GALNTL5: variants seen among roughly 807,000 people sequenced by gnomAD.
The protein encoded by GALNTL5 is inactive polypeptide N-acetylgalactosaminyltransferase-like protein 5.
In GALNTL5, 44 loss-of-function variants were observed where a neutral mutation model predicts 51.0. The ratio of observed to expected loss-of-function variants is 0.86; its 90% CI spans 0.68 to 1.11. GALNTL5 has a LOEUF of 1.11. GALNTL5 is among the 50% of genes least tolerant of loss of function. GALNTL5 has a pLI of 0.00. For missense variants in GALNTL5, 528 were observed against 531.8 expected (o/e 0.99, Z 0.07); for synonymous variants, 192 against 182.8 (o/e 1.05, Z -0.41).
chr7:152,002,697 T>C lies in GALNTL5; in HGVS notation c.659-17T>C. ...TCAGCTATGTGGACTAACATTGCCC[T>C]GTTCTTGCCTCCCCAGGGGATGTTC... On this transcript the variant is annotated splice_polypyrimidine_tract_variant and intron_variant, in intron 5 of 8. Coordinates refer to ENST00000392800, the MANE Select transcript of GALNTL5 (RefSeq NM_145292.4). 1 of 1,613,214 alleles carries C rather than the reference T, an allele frequency of 6.2e-7. No homozygotes were observed. Among genetic ancestry groups the C allele is most frequent in the Non-Finnish European group, 8.5e-7 (1 of 1,179,470 alleles).
intron 5 of GALNTL5, among the ~76,000 whole-genome samples, chr7:151,999,457 C>A (rs2151955085): frequency 6.6e-6 from 1 of 152,306 alleles, no homozygotes; most frequent in African/African-American, 2.4e-5. Flanking sequence ...GTGGCTGCAC[C>A]ATTTACACTC....
At chr7:151,983,206 T>C in intron 4 of GALNTL5, 54 bp downstream of exon 4, 1 of 1,484,202 alleles carries the variant, frequency 6.7e-7, no homozygotes, top group East Asian at 2.3e-5. Context: ...TTGTTGAGAT[T>C]TCCCTCTGTC....
chr7:151,972,977 A>G (rs960635828), intron 3 of GALNTL5, among the ~76,000 whole-genome samples: 1 of 152,126 alleles, frequency 6.6e-6, no homozygotes, highest in Non-Finnish European at 1.5e-5. Flanking sequence ...TGGTAGATCC[A>G]CCAACAGCTT....
chr7:151,989,809 A>C (rs113979073), intron 5 of GALNTL5, among the ~76,000 whole-genome samples: 5 of 152,162 alleles, frequency 3.3e-5, no homozygotes, highest in Non-Finnish European at 7.4e-5. Flanking sequence ...TCTTGGTATT[A>C]CCAGCCATCA....
intron 2 of GALNTL5, 84 bp downstream of exon 2, chr7:151,967,577 T>C: frequency 8.3e-7 from 1 of 1,199,852 alleles, no homozygotes; most frequent in Non-Finnish European, 1.2e-6. Flanking sequence ...TACGAGACTA[T>C]CCTTTTTAAA....
intron 2 of GALNTL5, 145 bp downstream of exon 2, chr7:151,967,638 A>G: frequency 1.9e-6 from 1 of 525,790 alleles, no homozygotes; most frequent in Non-Finnish European, 3.2e-6. Flanking sequence ...ATATATCTAT[A>G]CATAGAAAAT....
chr7:151,981,579 TTCCTTCCTTCCC>T (rs746764370), intron 3 of GALNTL5, among the ~76,000 whole-genome samples: 13,861 of 38,622 alleles, frequency 0.36, 875 homozygotes, highest in East Asian at 0.46. Flanking sequence ...CCTTCCTTCC[TTCCTTCCTTCCC>T]TCCTTCCTTC....
intron 1 of GALNTL5, among the ~76,000 whole-genome samples, chr7:151,966,675 A>G (rs2081064716): frequency 6.6e-6 from 1 of 152,216 alleles, no homozygotes; most frequent in Non-Finnish European, 1.5e-5. Flanking sequence ...TCTCTTTAGG[A>G]TATATCCCTA....
At chr7:151,980,960 T>C (rs1037852094) in intron 3 of GALNTL5, among the ~76,000 whole-genome samples, 9 of 151,840 alleles carry the variant, frequency 5.9e-5, no homozygotes, top group African/African-American at 2.2e-4. Flanking sequence ...TTAGCCAGGA[T>C]GGTCTCGATC....
intron 3 of GALNTL5, among the ~76,000 whole-genome samples, chr7:151,980,899 CTG>C (rs1563009384): frequency 4.0e-5 from 6 of 150,228 alleles, no homozygotes; most frequent in African/African-American, 1.5e-4. Context: ...GCACCCGCCA[CTG>C]CGCCCGGCTA....
intron 1 of GALNTL5, among the ~76,000 whole-genome samples, chr7:151,958,260 G>A (rs1271590269): frequency 1.3e-5 from 2 of 152,156 alleles, no homozygotes; most frequent in South Asian, 2.1e-4. Flanking sequence ...TGGCACTACC[G>A]ACCTAGATTC....
intron 5 of GALNTL5, 33 bp from the exon 6 acceptor site, chr7:152,002,681 T>G (rs1563021508): frequency 1.2e-6 from 2 of 1,602,794 alleles, no homozygotes; most frequent in Non-Finnish European, 1.7e-6. Flanking sequence ...TTCAGCTATG[T>G]GGACTAACAT....
At chr7:151,957,507 C>T (rs1181222624) in intron 1 of GALNTL5, among the ~76,000 whole-genome samples, 1 of 150,120 alleles carries the variant, frequency 6.7e-6, no homozygotes, top group Non-Finnish European at 1.5e-5. Flanking sequence ...TGTAATTGGG[C>T]CACTGCACCC....
chr7:151,983,318 C>T (rs1417652175), intron 4 of GALNTL5, among the ~76,000 whole-genome samples, 166 bp downstream of exon 4: 1 of 152,148 alleles, frequency 6.6e-6, no homozygotes, highest in African/African-American at 2.4e-5. Flanking sequence ...GCTGGGATTA[C>T]AGGTGCATGC....
intron 1 of GALNTL5, among the ~76,000 whole-genome samples, chr7:151,966,238 G>T (rs193058864): frequency 5.3e-5 from 8 of 151,422 alleles, no homozygotes; most frequent in Admixed American, 5.3e-4. Context: ...AACTTCAGTT[G>T]CATCTAGTTT....
chr7:151,998,241 G>C (rs991449331), intron 5 of GALNTL5, among the ~76,000 whole-genome samples: 2 of 151,726 alleles, frequency 1.3e-5, no homozygotes, highest in African/African-American at 4.8e-5. Context: ...CTTCTTAAGG[G>C]ATAATTTAAA....
intron 3 of GALNTL5, among the ~76,000 whole-genome samples, 172 bp downstream of exon 3, chr7:151,971,237 T>G (rs1112401): frequency 0.64 from 97,885 of 151,952 alleles, 32,515 homozygotes; most frequent in South Asian, 0.81. Flanking sequence ...CAAGATTCTA[T>G]TTCAAGATTC....
intron 7 of GALNTL5, among the ~76,000 whole-genome samples, chr7:152,010,436 T>TTCTA (rs1292476743): frequency 6.6e-6 from 1 of 152,206 alleles, no homozygotes; most frequent in Non-Finnish European, 1.5e-5. Flanking sequence ...GTCATGAATC[T>TTCTA]TCTATCTATT....
intron 3 of GALNTL5, among the ~76,000 whole-genome samples, chr7:151,977,010 G>C (rs1282645737): frequency 6.6e-6 from 1 of 152,104 alleles, no homozygotes; most frequent in Non-Finnish European, 1.5e-5. Flanking sequence ...AGGACAGCCT[G>C]TTACTATTGT....
Sources: gnomAD v4.1 joint callset for allele counts (sites outside exome capture counted in the v4.1 genomes callset) on GRCh38, gnomAD v4.1.1 for gene constraint, MANE v1.5 for transcripts, NCBI Gene and HGNC (gene_info 2026-07-23, HGNC 2026-07-21) for gene names.